Variants in JAKMIP2 observed in about 807,000 individuals in gnomAD.
The protein encoded by JAKMIP2 is janus kinase and microtubule interacting protein 2, also known as janus kinase and microtubule-interacting protein 2.
In JAKMIP2, 25 loss-of-function variants were observed where a neutral mutation model predicts 115.0. The observed-to-expected ratio is 0.22, with a 90% CI of 0.16 to 0.30. The LOEUF (loss-of-function observed/expected upper bound fraction) is 0.30. Among genes scored for constraint, JAKMIP2 ranks in the 10% least tolerant of loss-of-function variants. The pLI, the probability that JAKMIP2 is intolerant of heterozygous loss-of-function variation, is 1.00. For synonymous variants in JAKMIP2, 334 were observed against 343.6 expected (o/e 0.97, Z 0.31); for missense variants, 642 against 957.6 (o/e 0.67, Z 4.35).
chr5:147,736,071 C>G (rs993061681), intron 1 of JAKMIP2, among the ~76,000 whole-genome samples: 3 of 152,148 alleles, frequency 2.0e-5, no homozygotes, highest in Non-Finnish European at 4.4e-5. Flanking sequence ...CATTTTTCAA[C>G]TAGCTCAAAA....
chr5:147,702,135 A>G (rs1266327002), intron 1 of JAKMIP2, among the ~76,000 whole-genome samples: 3 of 152,142 alleles, frequency 2.0e-5, no homozygotes, highest in Non-Finnish European at 2.9e-5. Flanking sequence ...GTGAAACCCA[A>G]TTCTAGAACT....
At chr5:147,621,490 G>T (rs1234037322) in intron 17 of JAKMIP2, among the ~76,000 whole-genome samples, 1 of 152,172 alleles carries the variant, frequency 6.6e-6, no homozygotes, top group Non-Finnish European at 1.5e-5. Flanking sequence ...TATCTGTATG[G>T]AGTAATTTTG....
At chr5:147,698,397 G>T (rs1752190876) in intron 1 of JAKMIP2, among the ~76,000 whole-genome samples, 1 of 152,144 alleles carries the variant, frequency 6.6e-6, no homozygotes, top group East Asian at 1.9e-4. Context: ...TTAAGACTTT[G>T]GGGTACTGTT....
At position 147,782,598 on chromosome 5, in the gene JAKMIP2, C is replaced by T; in HGVS notation, c.-291G>A. ...TTTTTTTCCCTCTGTCTCTGGTTGGCGATGGTGCGAATAGGAACCACCCTT... is the reference window on the plus strand; with the variant it reads ...TTTTTTTCCCTCTGTCTCTGGTTGGTGATGGTGCGAATAGGAACCACCCTT... On this transcript the variant is annotated 5_prime_UTR_variant, in exon 1 of 22. Coordinates refer to ENST00000616793, the MANE Select transcript of JAKMIP2 (RefSeq NM_001270941.2). The T allele has an allele frequency of 2.4e-6, 2 of 840,042 alleles. No homozygotes were observed. The highest frequency in any genetic ancestry group is 3.9e-6 in the Non-Finnish European group (2 of 514,024). 52.0% of individuals were successfully genotyped at this position (840,042 alleles called of 1,614,324 possible).
intron 21 of JAKMIP2, among the ~76,000 whole-genome samples, chr5:147,593,149 G>A (rs542765162): frequency 2.6e-5 from 4 of 152,316 alleles, no homozygotes; most frequent in East Asian, 3.9e-4. Context: ...AGAGACAGGC[G>A]CTACAGCGTA....
At chr5:147,782,413 A>T (rs1478291234) in intron 1 of JAKMIP2, 43 bp downstream of exon 1, 1 of 1,532,534 alleles carries the variant, frequency 6.5e-7, no homozygotes, top group East Asian at 2.4e-5. Context: ...GTCAAATAAG[A>T]ACACTCTAAA....
chr5:147,705,636 C>G (rs1464459187), intron 1 of JAKMIP2, among the ~76,000 whole-genome samples: 1 of 151,988 alleles, frequency 6.6e-6, no homozygotes, highest in Non-Finnish European at 1.5e-5. Context: ...TTGGGCGTCA[C>G]CTTTCCGATA....
At chr5:147,618,812 C>T (rs6880748) in intron 18 of JAKMIP2, among the ~76,000 whole-genome samples, 9,297 of 152,158 alleles carry the variant, frequency 0.061, 801 homozygotes, top group African/African-American at 0.19. Context: ...ACATCTACCA[C>T]GGTGGCCATA....
At chr5:147,697,905 A>G (rs376217260) in intron 1 of JAKMIP2, among the ~76,000 whole-genome samples, 1 of 152,232 alleles carries the variant, frequency 6.6e-6, no homozygotes, top group South Asian at 2.1e-4. Flanking sequence ...CAGAGTCACC[A>G]CTGGGGCACT....
chr5:147,628,491 A>T (rs915020634), intron 16 of JAKMIP2, among the ~76,000 whole-genome samples: 9 of 152,142 alleles, frequency 5.9e-5, no homozygotes, highest in African/African-American at 2.2e-4. Flanking sequence ...TGTAATCTAG[A>T]AGGTTTTCTG....
At chr5:147,703,359 T>G (rs1003330739) in intron 1 of JAKMIP2, among the ~76,000 whole-genome samples, 1 of 151,970 alleles carries the variant, frequency 6.6e-6, no homozygotes, top group Admixed American at 6.6e-5. Context: ...TACTTAAACA[T>G]AGAAAAGGTA....
At chr5:147,629,560 T>C (rs1262681197) in intron 15 of JAKMIP2, 133 bp downstream of exon 15, 1 of 607,644 alleles carries the variant, frequency 1.6e-6, no homozygotes, top group Non-Finnish European at 2.8e-6. Flanking sequence ...AATTGTATAT[T>C]CTTCCCAAGG....
At chr5:147,599,617 G>C (rs1361331187) in intron 21 of JAKMIP2, among the ~76,000 whole-genome samples, 1 of 152,196 alleles carries the variant, frequency 6.6e-6, no homozygotes, top group Non-Finnish European at 1.5e-5. Flanking sequence ...AAGGTACAGA[G>C]ACGAGCACAC....
chr5:147,596,993 C>A (rs1387673058), intron 21 of JAKMIP2, among the ~76,000 whole-genome samples: 3 of 151,950 alleles, frequency 2.0e-5, no homozygotes, highest in Non-Finnish European at 4.4e-5. Flanking sequence ...CTGCCTTAGC[C>A]TCCCAAGTAG....
chr5:147,759,346 T>C (rs773357959), intron 1 of JAKMIP2, among the ~76,000 whole-genome samples: 14 of 152,112 alleles, frequency 9.2e-5, no homozygotes, highest in Non-Finnish European at 1.8e-4. Flanking sequence ...ATTCGACTAA[T>C]TATCATTTTT....
At chr5:147,746,847 A>AC (rs1422223517) in intron 1 of JAKMIP2, among the ~76,000 whole-genome samples, 2 of 152,194 alleles carry the variant, frequency 1.3e-5, no homozygotes, top group Admixed American at 6.6e-5. Flanking sequence ...TTCCTTTAAC[A>AC]CAGTTTGTTT....
intron 1 of JAKMIP2, among the ~76,000 whole-genome samples, chr5:147,741,108 C>A (rs952378413): frequency 2.0e-5 from 3 of 152,128 alleles, no homozygotes; most frequent in African/African-American, 7.2e-5. Flanking sequence ...TGCTGCAAAA[C>A]CCTGATCAAC....
At chr5:147,762,875 G>A (rs1243239754) in intron 1 of JAKMIP2, among the ~76,000 whole-genome samples, 2 of 152,038 alleles carry the variant, frequency 1.3e-5, no homozygotes, top group African/African-American at 4.8e-5. Context: ...CTAGGTCAAA[G>A]GGTGTGTCAT....
Position 147,631,460 on chromosome 5 carries a change from C to G in JAKMIP2, c.1828G>C (p.Asp610His), listed in dbSNP as rs1757345563. ...TAGATCTGTAGAGCACTCACACCAT[C>G]TGAGAATGGGTGAATTTGGAGATTA... ...PFNLQIHPFS[D>H]GVSALQIYCM... Residue 610 changes from aspartate to histidine, a missense_variant, in exon 14 of 22, where the codon GAT (aspartate) becomes CAT (histidine). Physicochemically the swap from Asp to His is moderately conservative, Grantham distance 81 (BLOSUM62 -1). Transcript: ENST00000616793. The G allele has an allele frequency of 6.2e-7, 1 of 1,612,312 alleles. No homozygotes were observed.
Sources: allele counts gnomAD v4.1 joint callset (sites outside exome capture counted in the v4.1 genomes callset), GRCh38; gene constraint gnomAD v4.1.1; transcripts MANE v1.5; gene names NCBI Gene and HGNC (gene_info 2026-07-23, HGNC 2026-07-21).